TENM1: variants seen among roughly 807,000 people sequenced by gnomAD.
TENM1 encodes the protein teneurin transmembrane protein 1.
TENM1 carries 35 observed loss-of-function variants against 174.8 expected under a neutral mutation model. The observed-to-expected ratio is 0.20, with a 90% CI of 0.15 to 0.27. The LOEUF is 0.27. Ranked by LOEUF, TENM1 falls within the 10% of genes least tolerant of loss-of-function variation. TENM1 has a pLI of 1.00. For synonymous variants in TENM1, 781 were observed against 798.7 expected (o/e 0.98, Z 0.37); for missense variants, 1,633 against 2,130.1 (o/e 0.77, Z 4.59).
the TENM1 span, among the ~76,000 whole-genome samples, chrX:125,048,243 A>ATTTTT: frequency 4.5e-4 from 29 of 64,202 alleles, no homozygotes; most frequent in Non-Finnish European, 6.1e-4. Flanking sequence ...GTTTCGAAGC[A>ATTTTT]TTTTTTTTTT....
chrX:124,857,022 G>A (rs963019419), intron 3 of TENM1, among the ~76,000 whole-genome samples: 1 of 111,073 alleles, frequency 9.0e-6, no homozygotes, highest in Non-Finnish European at 1.9e-5. Flanking sequence ...CATAAATTAT[G>A]TATGTACTGG....
At chrX:124,859,444 T>C (rs1422748141) in intron 3 of TENM1, among the ~76,000 whole-genome samples, 1 of 106,491 alleles carries the variant, frequency 9.4e-6, no homozygotes, top group African/African-American at 3.5e-5. Flanking sequence ...CTCAGGAGGC[T>C]GAGGTAGGAG....
the TENM1 span, among the ~76,000 whole-genome samples, chrX:125,103,650 G>A: frequency 8.9e-6 from 1 of 112,455 alleles, no homozygotes; most frequent in Non-Finnish European, 1.9e-5. Context: ...TCAACCGTCT[G>A]ACTTCCAGAA....
chrX:125,083,757 A>G, the TENM1 span, among the ~76,000 whole-genome samples: 1 of 111,375 alleles, frequency 9.0e-6, no homozygotes, highest in African/African-American at 3.3e-5. Flanking sequence ...CACATATTGA[A>G]AATAAATATT....
chrX:124,685,690 G>T (rs2052346643), intron 5 of TENM1, among the ~76,000 whole-genome samples: 1 of 109,852 alleles, frequency 9.1e-6, no homozygotes. Context: ...CTCCTGAGTA[G>T]CTAGGATTAC....
At chrX:124,892,423 AAGGGCAACCAAAC>A (rs1344326244) in intron 3 of TENM1, among the ~76,000 whole-genome samples, 1 of 111,729 alleles carries the variant, frequency 9.0e-6, no homozygotes, top group Non-Finnish European at 1.9e-5. Context: ...AAATTCAATT[AAGGGCAACCAAAC>A]AGAGTTAAGG....
intron 1 of TENM1, among the ~76,000 whole-genome samples, chrX:124,921,972 T>G (rs1455195160): frequency 8.9e-6 from 1 of 111,986 alleles, no homozygotes; most frequent in East Asian, 2.8e-4. Flanking sequence ...CCATTTAGAT[T>G]TAATTACTTT....
chrX:124,411,358 C>T lies in TENM1; in HGVS notation c.4983-4869G>A, dbSNP rs187074062. On this transcript the variant is annotated intron_variant, in intron 25 of 31. Transcript: ENST00000422452. ...GTGTATGTGTGTGTGTGTGTGTGCA[C>T]GCACGTGTGTGTGTGTTTTCTGGTG... 1.0e-3 allele frequency among the ~76,000 whole-genome samples: 112 copies of T among 110,530 alleles called. 1 individual carries two copies. The highest frequency in any genetic ancestry group is 3.4e-3 in the African/African-American group (102 of 30,344).
exon 32 of TENM1, chrX:124,381,116 C>A (rs1435039128): frequency 8.3e-7 from 1 of 1,211,379 alleles, no homozygotes; most frequent in Non-Finnish European, 1.1e-6. Flanking sequence ...TGTTACTATG[C>A]CATCCTTGAT....
chrX:124,818,424 G>A lies in TENM1; in HGVS notation c.535+75872C>T, dbSNP rs191974234. ...AGGTATAAATGTGAGGCGGTAATGCGGTTGCTATTTTATTGTTATTTTCAA... is the reference window on the plus strand; with the variant it reads ...AGGTATAAATGTGAGGCGGTAATGCAGTTGCTATTTTATTGTTATTTTCAA... On this transcript the variant is annotated intron_variant, in intron 3 of 31. Coordinates refer to ENST00000422452, the Ensembl canonical transcript of TENM1. Among the ~76,000 whole-genome samples, 621 of 111,762 alleles carry A rather than the reference G, an allele frequency of 5.6e-3. 2 individuals are homozygous for A. Among genetic ancestry groups the A allele is most frequent in the Non-Finnish European group, 8.6e-3 (456 of 53,098 alleles).
chrX:124,669,768 T>C (rs939501764), intron 6 of TENM1, among the ~76,000 whole-genome samples: 7 of 112,124 alleles, frequency 6.2e-5, no homozygotes, highest in African/African-American at 1.9e-4. Flanking sequence ...TGTTTGTTGT[T>C]ATAATTGAGC....
chrX:125,131,088 C>T, the TENM1 span, among the ~76,000 whole-genome samples: 2 of 111,876 alleles, frequency 1.8e-5, no homozygotes, highest in East Asian at 5.6e-4. Flanking sequence ...TTTATTAATT[C>T]ACTTCATTTT....
At chrX:125,048,299 G>A in the TENM1 span, among the ~76,000 whole-genome samples, 1 of 94,984 alleles carries the variant, frequency 1.1e-5, no homozygotes, top group Non-Finnish European at 2.1e-5. Flanking sequence ...TCCCTGACTG[G>A]AGTGCAGTGG....
chrX:124,660,630 A>G (rs1425902433), intron 6 of TENM1, among the ~76,000 whole-genome samples: 1 of 111,974 alleles, frequency 8.9e-6, no homozygotes, highest in Non-Finnish European at 1.9e-5. Context: ...GAAGCTTAAC[A>G]TCATTATTCA....
At chrX:125,023,597 T>C in the TENM1 span, among the ~76,000 whole-genome samples, 1 of 108,050 alleles carries the variant, frequency 9.3e-6, no homozygotes, top group African/African-American at 3.4e-5. Flanking sequence ...TATGCACTCA[T>C]GAATAAGGAC....
At chrX:125,072,982 T>C in the TENM1 span, among the ~76,000 whole-genome samples, 2 of 111,054 alleles carry the variant, frequency 1.8e-5, no homozygotes, top group African/African-American at 6.5e-5. Flanking sequence ...AAGTTACTCA[T>C]GATAGACATG....
At chrX:124,553,833 G>A (rs902604473) in intron 14 of TENM1, among the ~76,000 whole-genome samples, 2 of 111,597 alleles carry the variant, frequency 1.8e-5, no homozygotes, top group Admixed American at 9.5e-5. Context: ...GGCCCAGCAC[G>A]GTGGCTTACG....
intron 18 of TENM1, among the ~76,000 whole-genome samples, chrX:124,516,055 C>T (rs936994434): frequency 4.5e-5 from 5 of 111,280 alleles, no homozygotes; most frequent in African/African-American, 1.3e-4. Flanking sequence ...CACACATCTA[C>T]AACCACCTGA....
intron 5 of TENM1, among the ~76,000 whole-genome samples, chrX:124,692,600 T>C (rs1301850622): frequency 9.1e-6 from 1 of 109,671 alleles, no homozygotes; most frequent in Non-Finnish European, 1.9e-5. Flanking sequence ...GTAGGGCTTA[T>C]GAGTACAGTA....
Sources: allele counts gnomAD v4.1 joint callset (sites outside exome capture counted in the v4.1 genomes callset), GRCh38; gene constraint gnomAD v4.1.1; transcripts MANE v1.5; gene names NCBI Gene and HGNC (gene_info 2026-07-23, HGNC 2026-07-21).